Variants in PCCA observed in about 807,000 individuals in gnomAD.
The protein encoded by PCCA is propionyl-CoA carboxylase subunit alpha.
A neutral mutation model predicts 101.3 loss-of-function variants in PCCA; 74 were observed. The observed-to-expected ratio is 0.73, with a 90% CI of 0.61 to 0.89. The LOEUF is 0.89. Ranked by LOEUF, PCCA falls within the 40% of genes least tolerant of loss-of-function variation. The pLI, the probability that PCCA is intolerant of heterozygous loss-of-function variation, is 0.00. For missense variants in PCCA, 891 were observed against 907.0 expected (o/e 0.98, Z 0.23); for synonymous variants, 294 against 313.6 (o/e 0.94, Z 0.66).
In PCCA at chr13:100,329,968, A is replaced by G. The variant is rs1049635528; in HGVS notation, c.1430-593A>G. 8.5e-5 allele frequency among the ~76,000 whole-genome samples: 13 copies of G among 152,178 alleles called. 1 individual carries two copies. The highest frequency in any genetic ancestry group is 6.5e-5 in the Admixed American group (1 of 15,278). On this transcript the variant is annotated intron_variant, in intron 16 of 23. Coordinates refer to ENST00000376285, the MANE Select transcript of PCCA (RefSeq NM_000282.4). Reference sequence around the variant, plus strand: ...AAATGTCCAATTTTTCTCCATAACAACACCCAACTGCACGTCACATAACCA... The same window carrying G: ...AAATGTCCAATTTTTCTCCATAACAGCACCCAACTGCACGTCACATAACCA...
At chr13:100,289,010 G>T (rs968324304) in intron 12 of PCCA, among the ~76,000 whole-genome samples, 2 of 152,050 alleles carry the variant, frequency 1.3e-5, no homozygotes, top group Admixed American at 6.5e-5. Flanking sequence ...CTCTTGGCTG[G>T]AGTATCAGAC....
At chr13:100,521,957 T>G (rs1032644808) in intron 22 of PCCA, among the ~76,000 whole-genome samples, 7 of 152,198 alleles carry the variant, frequency 4.6e-5, no homozygotes, top group African/African-American at 1.7e-4. Context: ...GCCTCCTTTT[T>G]CCATAAAAAT....
intron 7 of PCCA, among the ~76,000 whole-genome samples, chr13:100,219,103 C>T (rs920676047): frequency 6.6e-6 from 1 of 152,156 alleles, no homozygotes; most frequent in Non-Finnish European, 1.5e-5. Flanking sequence ...AACCCCTGAG[C>T]AGTGTATGAT....
chr13:100,125,567 T>C (rs2049877580), intron 4 of PCCA, among the ~76,000 whole-genome samples: 1 of 152,212 alleles, frequency 6.6e-6, no homozygotes, highest in Non-Finnish European at 1.5e-5. Context: ...ACTTTTCTTA[T>C]AAAACTTAGC....
intron 21 of PCCA, among the ~76,000 whole-genome samples, chr13:100,486,970 A>G (rs1225899441): frequency 1.3e-5 from 2 of 152,206 alleles, no homozygotes; most frequent in Non-Finnish European, 2.9e-5. Context: ...CAGGACTAGT[A>G]ATAGTTGCCG....
intron 8 of PCCA, among the ~76,000 whole-genome samples, chr13:100,239,015 C>T (rs746829081): frequency 1.3e-5 from 2 of 152,132 alleles, no homozygotes; most frequent in Non-Finnish European, 2.9e-5. Flanking sequence ...ATTTCCTCCT[C>T]TCTCATGTCT....
chr13:100,302,910 C>G lies in PCCA; in HGVS notation c.1210-14C>G. The G allele has an allele frequency of 6.6e-7, 1 of 1,511,672 alleles. No homozygotes were observed. Among genetic ancestry groups the G allele is most frequent in the South Asian group, 1.1e-5 (1 of 89,026 alleles). 93.6% of individuals were successfully genotyped at this position (1,511,672 alleles called of 1,614,324 possible). Reference sequence around the variant, plus strand: ...TATTTCAAAGACTGTGCTTCCTTTCCTTTGAACTTTCAGGACCCCTACAAG... The same window carrying G: ...TATTTCAAAGACTGTGCTTCCTTTCGTTTGAACTTTCAGGACCCCTACAAG... On this transcript the variant is annotated splice_polypyrimidine_tract_variant and intron_variant, in intron 13 of 23. Coordinates refer to ENST00000376285, the MANE Select transcript of PCCA (RefSeq NM_000282.4).
At chr13:100,362,274 A>C (rs141536355) in intron 18 of PCCA, among the ~76,000 whole-genome samples, 1 of 152,288 alleles carries the variant, frequency 6.6e-6, no homozygotes, top group East Asian at 1.9e-4. Flanking sequence ...ACTGTATGTT[A>C]GTTGTATGCG....
At chr13:100,203,718 T>C (rs974521635) in intron 6 of PCCA, among the ~76,000 whole-genome samples, 4 of 152,198 alleles carry the variant, frequency 2.6e-5, no homozygotes, top group African/African-American at 9.6e-5. Context: ...GGATTTTACC[T>C]TGATATTTTA....
chr13:100,401,620 TA>T (rs1286560640), intron 19 of PCCA, among the ~76,000 whole-genome samples: 1 of 152,190 alleles, frequency 6.6e-6, no homozygotes, highest in Non-Finnish European at 1.5e-5. Flanking sequence ...GCTTGCTCAT[TA>T]TTTTTTGTAC....
intron 6 of PCCA, among the ~76,000 whole-genome samples, chr13:100,195,500 G>A (rs2058052986): frequency 6.6e-6 from 1 of 152,090 alleles, no homozygotes; most frequent in Non-Finnish European, 1.5e-5. Context: ...AAAGGAGGGA[G>A]GCTAAAATTC....
intron 4 of PCCA, among the ~76,000 whole-genome samples, chr13:100,129,310 G>T (rs1253232357): frequency 6.6e-6 from 1 of 152,092 alleles, no homozygotes; most frequent in Non-Finnish European, 1.5e-5. Flanking sequence ...AATTTCATCT[G>T]GGGCAGTTTA....
chr13:100,465,236 T>C (rs1566380147), intron 21 of PCCA, among the ~76,000 whole-genome samples: 1 of 152,154 alleles, frequency 6.6e-6, no homozygotes, highest in Non-Finnish European at 1.5e-5. Flanking sequence ...TTGCAATATA[T>C]TTTGAACATT....
intron 19 of PCCA, among the ~76,000 whole-genome samples, chr13:100,379,155 GGTAGTCACTGTATAGT>G (rs962644586): frequency 6.6e-6 from 1 of 152,098 alleles, no homozygotes; most frequent in Non-Finnish European, 1.5e-5. Context: ...GGGTGCATGT[GGTAGTCACTGTATAGT>G]GTAGTCACTG....
At chr13:100,146,878 G>T (rs141939639) in intron 4 of PCCA, among the ~76,000 whole-genome samples, 6 of 143,202 alleles carry the variant, frequency 4.2e-5, no homozygotes, top group African/African-American at 1.8e-4. Context: ...CATGTTTAGG[G>T]AAGCTTATTG....
intron 1 of PCCA, among the ~76,000 whole-genome samples, chr13:100,099,215 T>C (rs750782850): frequency 6.6e-6 from 1 of 152,062 alleles, no homozygotes; most frequent in East Asian, 1.9e-4. Flanking sequence ...TTGGCAGAAA[T>C]AGTGTTCAGA....
intron 21 of PCCA, among the ~76,000 whole-genome samples, chr13:100,451,703 CCTCTCCTCTCTCCT>C: frequency 7.8e-6 from 1 of 128,600 alleles, no homozygotes; most frequent in East Asian, 2.6e-4. Flanking sequence ...CTCTTCCCCT[CCTCTCCTCTCTCCT>C]CTCTCTCTCT....
intron 6 of PCCA, among the ~76,000 whole-genome samples, chr13:100,207,348 AT>A (rs771386828): frequency 6.6e-6 from 1 of 151,850 alleles, no homozygotes; most frequent in Non-Finnish European, 1.5e-5. Flanking sequence ...TTTTCTACTC[AT>A]TTTCTCTGAA....
chr13:100,313,208 T>A (rs1193885204), intron 16 of PCCA, among the ~76,000 whole-genome samples: 1 of 152,152 alleles, frequency 6.6e-6, no homozygotes, highest in East Asian at 1.9e-4. Flanking sequence ...GCAAACATCA[T>A]GGCGCATCAC....
Sources: allele counts gnomAD v4.1 joint callset (sites outside exome capture counted in the v4.1 genomes callset), GRCh38; gene constraint gnomAD v4.1.1; transcripts MANE v1.5; gene names NCBI Gene and HGNC (gene_info 2026-07-23, HGNC 2026-07-21).